SERPINB7: variants seen among roughly 807,000 people sequenced by gnomAD.
SERPINB7 encodes serpin family B member 7.
In SERPINB7, 31 loss-of-function variants were observed where a neutral mutation model predicts 37.4. That is an observed-to-expected ratio of 0.83 (90% CI 0.62 to 1.12). The LOEUF (loss-of-function observed/expected upper bound fraction) is 1.12, where lower values mean the gene tolerates loss of function less well. SERPINB7 is among the 50% of genes most tolerant of loss of function. SERPINB7 has a pLI of 0.00. For synonymous variants in SERPINB7, 163 were observed against 166.1 expected (o/e 0.98, Z 0.14); for missense variants, 521 against 455.3 (o/e 1.14, Z -1.31).
In SERPINB7 at chr18:63,785,939, C is replaced by A. The variant is rs921659521; in HGVS notation, c.168+3399C>A. On this transcript the variant is annotated intron_variant, in intron 2 of 7. Coordinates refer to ENST00000398019, the MANE Select transcript of SERPINB7 (RefSeq NM_003784.4). Reference sequence around the variant, plus strand: ...CATATATAATATACGTATATATACACATATATAATATACTTATATATACAC... The same window carrying A: ...CATATATAATATACGTATATATACAAATATATAATATACTTATATATACAC... Among the ~76,000 whole-genome samples the A allele has an allele frequency of 1.7e-5, 2 of 117,294 alleles. 1 individual carries two copies. The highest frequency in any genetic ancestry group is 1.7e-4 in the Admixed American group (2 of 11,654). 76.9% of individuals were successfully genotyped at this position (117,294 alleles called of 152,430 possible).
At chr18:63,778,458 A>C (rs1330365394) in intron 1 of SERPINB7, among the ~76,000 whole-genome samples, 2 of 152,130 alleles carry the variant, frequency 1.3e-5, no homozygotes, top group African/African-American at 2.4e-5. Context: ...TTTAAAAAAT[A>C]ATGTGTCATG....
intron 1 of SERPINB7, among the ~76,000 whole-genome samples, chr18:63,762,958 G>A (rs2049162141): frequency 6.6e-6 from 1 of 152,264 alleles, no homozygotes; most frequent in African/African-American, 2.4e-5. Context: ...GGATTAAGAC[G>A]TAGATGACAT....
upstream of SERPINB7, among the ~76,000 whole-genome samples, chr18:63,773,751 A>G (rs2049225257): frequency 6.6e-6 from 1 of 152,170 alleles, no homozygotes; most frequent in African/African-American, 2.4e-5. Context: ...GCCAGTCCAC[A>G]TGACTGCTTT....
intron 1 of SERPINB7, among the ~76,000 whole-genome samples, chr18:63,761,173 T>A (rs1195510763): frequency 6.6e-6 from 1 of 152,240 alleles, no homozygotes; most frequent in Non-Finnish European, 1.5e-5. Flanking sequence ...ACCCACCTCT[T>A]GCATCAGCAT....
Position 63,798,692 on chromosome 18 carries a change from G to T in SERPINB7, c.543G>T (p.Trp181Cys). 6.2e-7 allele frequency: 1 copy of T among 1,612,820 alleles called. No individual in the cohort carries two copies. The highest frequency in any genetic ancestry group is 8.5e-7 in the Non-Finnish European group (1 of 1,179,552). Residue 181 changes from tryptophan to cysteine, a missense_variant, in exon 6 of 8, where the codon TGG becomes TGT. Coordinates refer to ENST00000398019, the MANE Select transcript of SERPINB7 (RefSeq NM_003784.4). ...ATGCTGTGTACTTCAAAGGCAAGTG[G>T]CAATCAGCCTTCACCAAGAGCGAAA... is the stretch of plus-strand genomic sequence containing the variant. Reference protein sequence around the residue: ...LVNAVYFKGKWQSAFTKSETI... With the variant: ...LVNAVYFKGKCQSAFTKSETI...
intron 4 of SERPINB7, among the ~76,000 whole-genome samples, chr18:63,794,676 C>T (rs535873649): frequency 4.6e-5 from 7 of 151,598 alleles, no homozygotes; most frequent in African/African-American, 1.7e-4. Flanking sequence ...GGCGAAAGAG[C>T]GAGACTCTGT....
chr18:63,774,525 CT>C (rs2049231076), upstream of SERPINB7, among the ~76,000 whole-genome samples: 3 of 152,042 alleles, frequency 2.0e-5, no homozygotes, highest in African/African-American at 7.2e-5. Flanking sequence ...GTTTTTGCCC[CT>C]GTGTGGCATG....
rs113041735 is a variant in SERPINB7, at chr18:63,798,588, AT to A, written c.455-7del. On this transcript the variant is annotated splice_polypyrimidine_tract_variant and intron_variant, in intron 5 of 7. Transcript: ENST00000398019. ...TATTAAAATAAACATTTTTCCCTCA[AT>A]TTTTTTTTCAAAAGGCAAAATCAAG... 185 of 1,483,524 alleles carry A rather than the reference AT, an allele frequency of 1.2e-4. No homozygotes were observed. Among genetic ancestry groups the A allele is most frequent in the Admixed American group, 5.5e-4 (24 of 43,754 alleles). 91.9% of individuals were successfully genotyped at this position (1,483,524 alleles called of 1,614,324 possible).
At chr18:63,764,712 A>G (rs17071741) in intron 1 of SERPINB7, among the ~76,000 whole-genome samples, 1,665 of 152,334 alleles carry the variant, frequency 0.011, 24 homozygotes, top group African/African-American at 0.035. Flanking sequence ...TTAGAAAGTT[A>G]AAACAGCTTG....
upstream of SERPINB7, chr18:63,775,274 AC>A (rs1171696175): frequency 1.3e-5 from 2 of 152,214 alleles, no homozygotes; most frequent in African/African-American, 4.8e-5. Flanking sequence ...TGATTCACAT[AC>A]AAACTGAATG....
At chr18:63,758,627 A>T (rs1447542694) in intron 1 of SERPINB7, among the ~76,000 whole-genome samples, 1 of 152,198 alleles carries the variant, frequency 6.6e-6, no homozygotes, top group East Asian at 1.9e-4. Context: ...TAAGAAAAGA[A>T]TTCTTTAGGC....
At chr18:63,783,228 G>GACAGAAAGAA (rs1346398259) in intron 2 of SERPINB7, among the ~76,000 whole-genome samples, 1 of 47,326 alleles carries the variant, frequency 2.1e-5, no homozygotes, top group Non-Finnish European at 4.0e-5. Context: ...GAGAGAGAGA[G>GACAGAAAGAA]AGAGAGAAAG....
intron 5 of SERPINB7, among the ~76,000 whole-genome samples, chr18:63,797,260 C>T (rs905506445): frequency 1.2e-4 from 18 of 152,240 alleles, no homozygotes; most frequent in African/African-American, 4.1e-4. Context: ...ATATCTTGCA[C>T]TTTTAAATGC....
chr18:63,797,782 A>T (rs996430876), intron 5 of SERPINB7, among the ~76,000 whole-genome samples: 2 of 152,158 alleles, frequency 1.3e-5, no homozygotes, highest in African/African-American at 2.4e-5. Context: ...CTTCAAAATA[A>T]TCCACAATTC....
At position 63,786,146 on chromosome 18, in the gene SERPINB7, C is replaced by CATAT. The variant is rs776033064; in HGVS notation, c.168+3607_168+3608insTATA. 2.8e-4 allele frequency among the ~76,000 whole-genome samples: 25 copies of CATAT among 90,748 alleles called. 1 individual carries two copies. The highest frequency in any genetic ancestry group is 5.5e-4 in the Admixed American group (4 of 7,272). 59.5% of individuals were successfully genotyped at this position (90,748 alleles called of 152,430 possible). On this transcript the variant is annotated intron_variant, in intron 2 of 7. Transcript: ENST00000398019. Reference sequence around the variant, plus strand: ...ATATATACGTATATACATATATACACACACACACACACACACACACCAGCA... The same window carrying CATAT: ...ATATATACGTATATACATATATACACATATACACACACACACACACACACCAGCA...
At chr18:63,765,532 T>C (rs1358013664) in intron 1 of SERPINB7, among the ~76,000 whole-genome samples, 1 of 152,174 alleles carries the variant, frequency 6.6e-6, no homozygotes, top group Non-Finnish European at 1.5e-5. Flanking sequence ...AATATTTCAC[T>C]AGCTTCCCTT....
At chr18:63,762,879 CAA>C (rs2049161705) in intron 1 of SERPINB7, among the ~76,000 whole-genome samples, 1 of 152,018 alleles carries the variant, frequency 6.6e-6, no homozygotes, top group Non-Finnish European at 1.5e-5. Flanking sequence ...ATAAATATAA[CAA>C]GATAATATTT....
Position 63,782,494 on chromosome 18 carries a change from T to TTGGCA in SERPINB7, c.122_123insTGGCA (p.Val42GlyfsTer41). On this transcript the variant is annotated frameshift_variant, in exon 2 of 8. Transcript: ENST00000398019. LOFTEE classifies it high-confidence loss of function. ...CTGAGCCTCTTCGCTGCCCTGGCCC[T>TTGGCA]GGTCCGCTTGGGCGCTCAAGATGAC... 1.9e-6 allele frequency: 3 copies of TTGGCA among 1,613,940 alleles called. No homozygotes were observed. The highest frequency in any genetic ancestry group is 2.5e-6 in the Non-Finnish European group (3 of 1,179,880).
chr18:63,789,527 C>T (rs945927455), intron 2 of SERPINB7, among the ~76,000 whole-genome samples: 6 of 152,266 alleles, frequency 3.9e-5, no homozygotes, highest in Admixed American at 3.9e-4. Flanking sequence ...AAGTGACCAA[C>T]TCCACTGTTC....
Sources: gnomAD v4.1 joint callset for allele counts (sites outside exome capture counted in the v4.1 genomes callset) on GRCh38, gnomAD v4.1.1 for gene constraint, MANE v1.5 for transcripts, NCBI Gene and HGNC (gene_info 2026-07-23, HGNC 2026-07-21) for gene names.